Variants in SEC14L5 observed in about 807,000 individuals in gnomAD.
The protein encoded by SEC14L5 is SEC14 like lipid binding 5.
Under a neutral mutation model 84.6 loss-of-function variants are expected in SEC14L5, and 96 were observed. The observed-to-expected ratio is 1.13, with a 90% confidence interval of 0.96 to 1.34. The LOEUF is 1.34. Ranked by LOEUF, SEC14L5 falls within the 40% of genes most tolerant of loss-of-function variation. The probability of loss-of-function intolerance (pLI) is 0.00; values close to 1 mark genes in which losing one functional copy is unlikely to be tolerated. For missense variants in SEC14L5, 1,224 were observed against 942.5 expected (o/e 1.30, Z -3.91); for synonymous variants, 546 against 383.4 (o/e 1.42, Z -4.95).
At chr16:4,997,218 C>G (rs1018012297) in intron 8 of SEC14L5, among the ~76,000 whole-genome samples, 174 bp downstream of exon 8, 5 of 152,182 alleles carry the variant, frequency 3.3e-5, no homozygotes, top group Non-Finnish European at 5.9e-5. Context: ...CCTGCCTCAG[C>G]CTCCCCAGCA....
intron 2 of SEC14L5, among the ~76,000 whole-genome samples, chr16:4,969,394 T>TC (rs1955247005): frequency 6.6e-6 from 1 of 152,172 alleles, no homozygotes; most frequent in African/African-American, 2.4e-5. Context: ...TACTTTCTTT[T>TC]TTTTTTTTGA....
Position 5,017,503 on chromosome 16 carries a change from GC to G in SEC14L5, c.*2535del, listed in dbSNP as rs1291114775. 6.6e-6 allele frequency: 1 copy of G among 152,246 alleles called. No individual in the cohort carries two copies. The highest frequency in any genetic ancestry group is 1.5e-5 in the Non-Finnish European group (1 of 68,068). 9.4% of individuals were successfully genotyped at this position (152,246 alleles called of 1,614,324 possible). A position where few individuals can be genotyped will look rare whatever the true frequency, so the allele number is the denominator to read the frequency against. On this transcript the variant is annotated 3_prime_UTR_variant, in exon 16 of 16. Transcript: ENST00000251170. ...GAAAGATGGCTGCCAGCAGCCCCAAGCCTATAATTTCAGGATTCACACTCTA... is the reference window on the plus strand; with the variant it reads ...GAAAGATGGCTGCCAGCAGCCCCAAGCTATAATTTCAGGATTCACACTCTA...
chr16:4,986,227 C>A (rs1955485607), intron 2 of SEC14L5, among the ~76,000 whole-genome samples: 1 of 151,798 alleles, frequency 6.6e-6, no homozygotes, highest in South Asian at 2.1e-4. Context: ...GAAACCTCTG[C>A]TTCTTGGTTT....
Position 4,959,346 on chromosome 16 carries a change from C to A in SEC14L5, c.23C>A (p.Pro8His). 1.2e-6 allele frequency: 2 copies of A among 1,613,860 alleles called. No individual in the cohort carries two copies. Among genetic ancestry groups the A allele is most frequent in the Non-Finnish European group, 1.7e-6 (2 of 1,179,782 alleles). The change falls in exon 2 of 16, where the codon CCT (proline) becomes CAT (histidine). Residue 8 changes from proline to histidine, a missense_variant. Transcript: ENST00000251170. MVQRYQS[P>H]VRVYKYPFEL... ...AACATGGTGCAAAGATACCAGTCTC[C>A]TGTCCGAGTCTACAAGTACCCGTTT...
chr16:5,007,546 G>T, intron 13 of SEC14L5, 60 bp downstream of exon 13: 1 of 1,480,154 alleles, frequency 6.8e-7, no homozygotes. Flanking sequence ...CTTAGGTCAG[G>T]TGACCCCAAA....
At chr16:4,963,160 T>G (rs1372932766) in intron 2 of SEC14L5, among the ~76,000 whole-genome samples, 1 of 152,232 alleles carries the variant, frequency 6.6e-6, no homozygotes, top group Non-Finnish European at 1.5e-5. Context: ...AAATTGGGCT[T>G]GAGTAATTGA....
chr16:5,013,934 C>T (rs1451201135), intron 15 of SEC14L5, among the ~76,000 whole-genome samples: 1 of 152,168 alleles, frequency 6.6e-6, no homozygotes, highest in South Asian at 2.1e-4. Flanking sequence ...CTCAAGCGAT[C>T]CCCCTGCCTC....
At chr16:4,990,095 TA>T (rs1451053352) in intron 4 of SEC14L5, among the ~76,000 whole-genome samples, 3 of 151,454 alleles carry the variant, frequency 2.0e-5, no homozygotes, top group African/African-American at 4.8e-5. Flanking sequence ...ATCTAAATTT[TA>T]TGTGTAATAT....
chr16:5,009,422 C>G (rs1317744907), intron 14 of SEC14L5, among the ~76,000 whole-genome samples: 1 of 152,104 alleles, frequency 6.6e-6, no homozygotes, highest in Non-Finnish European at 1.5e-5. Flanking sequence ...CTCCTAGGCT[C>G]AAGCGATCCT....
chr16:4,999,566 G>C (rs1216881290), intron 8 of SEC14L5, among the ~76,000 whole-genome samples: 1 of 152,024 alleles, frequency 6.6e-6, no homozygotes, highest in Non-Finnish European at 1.5e-5. Context: ...GCTGCAGTGA[G>C]TCGAGATCAT....
Position 4,989,420 on chromosome 16 carries a change from C to T in SEC14L5, c.345+1140C>T, listed in dbSNP as rs912588411. On this transcript the variant is annotated intron_variant, in intron 4 of 15. Transcript: ENST00000251170. ...TAATCTTGGCTCACTGCAACCTCCG[C>T]CTCCTTGTTAAAAGGATTCTCTTGC... Among the ~76,000 whole-genome samples, 3 of 151,972 alleles carry T rather than the reference C, an allele frequency of 2.0e-5. No homozygotes were observed. In the East Asian group the frequency reaches 5.8e-4, roughly 29 times the overall value.
chr16:5,013,435 G>A (rs1004735408), intron 15 of SEC14L5, among the ~76,000 whole-genome samples: 1 of 152,040 alleles, frequency 6.6e-6, no homozygotes, highest in African/African-American at 2.4e-5. Context: ...TACCCAGGCT[G>A]GAGTGCAGTG....
rs78484631 is a variant in SEC14L5 at position 4,965,193 on chromosome 16, C to T, written c.63+5807C>T. 1.6e-3 allele frequency among the ~76,000 whole-genome samples: 247 copies of T among 152,222 alleles called. 7 individuals are homozygous for T. In the East Asian group the frequency reaches 0.043, roughly 27 times the overall value. ...CACATCTTAGCATGTATAGATTCTG[C>T]CTTGTTTTTATGGCTAAATAAATAC... On this transcript the variant is annotated intron_variant, in intron 2 of 15. Coordinates refer to ENST00000251170, the MANE Select transcript of SEC14L5 (RefSeq NM_014692.2).
At chr16:5,002,893 C>T (rs1227302829) in intron 10 of SEC14L5, among the ~76,000 whole-genome samples, 2 of 152,170 alleles carry the variant, frequency 1.3e-5, no homozygotes, top group African/African-American at 4.8e-5. Flanking sequence ...ACAATTAACT[C>T]ATTTATGCCT....
chr16:5,000,956 C>G (rs896534190), intron 10 of SEC14L5, 31 bp downstream of exon 10: 1 of 1,558,392 alleles, frequency 6.4e-7, no homozygotes, highest in East Asian at 2.3e-5. Flanking sequence ...CAAATCCCCC[C>G]TAAACAGCAA....
intron 2 of SEC14L5, among the ~76,000 whole-genome samples, chr16:4,975,421 C>T (rs936010036): frequency 2.3e-5 from 3 of 129,756 alleles, no homozygotes; most frequent in Non-Finnish European, 4.6e-5. Flanking sequence ...TGCAGTGAGT[C>T]GAGATCATGC....
chr16:4,972,513 T>TA lies in SEC14L5; in HGVS notation c.63+13129dup, dbSNP rs780984027. ...ACTCCCTGCTCCCCACTGCTGCTAT[T>TA]AACCACTATTCTATTTGCTGTCTCT... On this transcript the variant is annotated intron_variant, in intron 2 of 15. Coordinates refer to ENST00000251170, the MANE Select transcript of SEC14L5 (RefSeq NM_014692.2). Among the ~76,000 whole-genome samples the TA allele has an allele frequency of 1.1e-3, 173 of 152,302 alleles. 1 individual carries two copies. The highest frequency in any genetic ancestry group is 1.9e-3 in the Non-Finnish European group (130 of 68,030).
At chr16:4,973,846 C>G (rs977289937) in intron 2 of SEC14L5, among the ~76,000 whole-genome samples, 1 of 151,996 alleles carries the variant, frequency 6.6e-6, no homozygotes, top group Non-Finnish European at 1.5e-5. Context: ...CCATGCCCAG[C>G]TAATGTTTTG....
At chr16:4,999,690 G>C (rs937332286) in intron 8 of SEC14L5, among the ~76,000 whole-genome samples, 1 of 152,074 alleles carries the variant, frequency 6.6e-6, no homozygotes, top group Non-Finnish European at 1.5e-5. Context: ...CGAGGCGGCA[G>C]ATCACTTGAG....
Sources: allele counts gnomAD v4.1 joint callset (sites outside exome capture counted in the v4.1 genomes callset), GRCh38; gene constraint gnomAD v4.1.1; transcripts MANE v1.5; gene names NCBI Gene and HGNC (gene_info 2026-07-23, HGNC 2026-07-21).